AUTS2: variants seen among roughly 807,000 people sequenced by gnomAD.
AUTS2 encodes activator of transcription and developmental regulator AUTS2.
In AUTS2, 17 loss-of-function variants were observed where a neutral mutation model predicts 112.4. The ratio of observed to expected loss-of-function variants is 0.15; its 90% CI spans 0.10 to 0.23. The LOEUF is 0.23. AUTS2 is among the 10% of genes least tolerant of loss of function. AUTS2 has a pLI of 1.00. For missense variants in AUTS2, 1,510 were observed against 1,701.6 expected (o/e 0.89, Z 1.98); for synonymous variants, 751 against 702.7 (o/e 1.07, Z -1.09).
chr7:70,526,733 C>G (rs1419516408), intron 5 of AUTS2, among the ~76,000 whole-genome samples: 1 of 152,200 alleles, frequency 6.6e-6, no homozygotes, highest in Admixed American at 6.5e-5. Context: ...CCTCTGCCCC[C>G]TGGCCTGTGA....
chr7:70,172,482 G>C (rs1462461045), intron 4 of AUTS2, among the ~76,000 whole-genome samples: 3 of 152,088 alleles, frequency 2.0e-5, no homozygotes, highest in African/African-American at 4.8e-5. Flanking sequence ...TCTATGCAAT[G>C]GTTCTTTTTC....
intron 6 of AUTS2, among the ~76,000 whole-genome samples, chr7:70,731,736 C>G (rs1167838041): frequency 7.1e-6 from 1 of 141,442 alleles, no homozygotes; most frequent in Non-Finnish European, 1.5e-5. Flanking sequence ...GTCTCCTTTA[C>G]CCAGATCTAA....
intron 1 of AUTS2, among the ~76,000 whole-genome samples, chr7:69,797,125 A>G (rs926629566): frequency 3.3e-5 from 5 of 152,174 alleles, no homozygotes; most frequent in African/African-American, 4.8e-5. Flanking sequence ...ATTGGTCTCT[A>G]CCTGCACCTC....
At chr7:70,072,751 T>G (rs909668377) in intron 2 of AUTS2, among the ~76,000 whole-genome samples, 2 of 152,228 alleles carry the variant, frequency 1.3e-5, no homozygotes, top group African/African-American at 4.8e-5. Context: ...TATGAAGCAT[T>G]CTTTTTATTT....
chr7:70,095,419 A>G (rs1804141474), intron 2 of AUTS2, among the ~76,000 whole-genome samples: 1 of 152,168 alleles, frequency 6.6e-6, no homozygotes, highest in Non-Finnish European at 1.5e-5. Flanking sequence ...ATTCAGAATC[A>G]TGCTTCTGAC....
chr7:70,510,300 T>C (rs982294299), intron 5 of AUTS2, among the ~76,000 whole-genome samples: 2 of 152,246 alleles, frequency 1.3e-5, no homozygotes, highest in Non-Finnish European at 2.9e-5. Flanking sequence ...TTAAGCTCTC[T>C]TAAACTTTAT....
At chr7:70,439,175 C>G (rs909821163) in intron 5 of AUTS2, among the ~76,000 whole-genome samples, 1 of 152,188 alleles carries the variant, frequency 6.6e-6, no homozygotes, top group Non-Finnish European at 1.5e-5. Flanking sequence ...AAGTATCTCC[C>G]TTATCCTCCC....
At chr7:69,686,313 A>G (rs1797062508) in intron 1 of AUTS2, among the ~76,000 whole-genome samples, 1 of 152,208 alleles carries the variant, frequency 6.6e-6, no homozygotes, top group South Asian at 2.1e-4. Context: ...TTTCTACTGT[A>G]GGATTTTGGA....
At chr7:69,945,098 T>C (rs1452459205) in intron 2 of AUTS2, among the ~76,000 whole-genome samples, 1 of 152,022 alleles carries the variant, frequency 6.6e-6, no homozygotes, top group Non-Finnish European at 1.5e-5. Context: ...ATTTAAAAAA[T>C]AGATTTATTG....
chr7:69,931,897 G>A lies in AUTS2; in HGVS notation c.522+32399G>A, dbSNP rs187395450. Among the ~76,000 whole-genome samples, 263 of 152,248 alleles carry A rather than the reference G, an allele frequency of 1.7e-3. 3 individuals carry two copies. Among genetic ancestry groups the A allele is most frequent in the Admixed American group, 0.017 (256 of 15,304 alleles). On this transcript the variant is annotated intron_variant, in intron 2 of 18. Transcript: ENST00000342771. ...GACTTACCTTGATGAGGCAATCTTCGAATTGATGACTCTTTTTAATTAATT... is the reference window on the plus strand; with the variant it reads ...GACTTACCTTGATGAGGCAATCTTCAAATTGATGACTCTTTTTAATTAATT...
At chr7:69,826,581 G>A (rs763759) in intron 1 of AUTS2, among the ~76,000 whole-genome samples, 36,435 of 152,082 alleles carry the variant, frequency 0.24, 4,437 homozygotes, top group Middle Eastern at 0.34. Flanking sequence ...CTTGCCATTT[G>A]CCTCTGTAGA....
Position 69,821,835 on chromosome 7 carries a change from G to A in AUTS2, c.310-77451G>A, listed in dbSNP as rs1239496951. Among the ~76,000 whole-genome samples, 5 of 150,234 alleles carry A rather than the reference G, an allele frequency of 3.3e-5. No homozygotes were observed. The East Asian group carries it at 9.9e-4, about 30-fold the overall frequency. On this transcript the variant is annotated intron_variant, in intron 1 of 18. Transcript: ENST00000342771. ...AGAGGCTGAGGTGAGAGGATCGATTGAGCTCAGGAGGTTGAGGCTGCAGTG... is the reference window on the plus strand; with the variant it reads ...AGAGGCTGAGGTGAGAGGATCGATTAAGCTCAGGAGGTTGAGGCTGCAGTG...
intron 4 of AUTS2, among the ~76,000 whole-genome samples, chr7:70,390,439 G>A (rs897223249): frequency 2.0e-5 from 3 of 152,076 alleles, no homozygotes; most frequent in African/African-American, 7.2e-5. Flanking sequence ...TTAGTCCTGA[G>A]TCATCTACCA....
intron 1 of AUTS2, among the ~76,000 whole-genome samples, chr7:69,624,963 C>T (rs1010567425): frequency 3.1e-5 from 4 of 130,576 alleles, no homozygotes; most frequent in Admixed American, 8.4e-5. Context: ...GTCACTACCA[C>T]GCAGATTCTC....
chr7:70,661,629 T>G (rs1214065633), intron 5 of AUTS2, among the ~76,000 whole-genome samples: 4 of 152,228 alleles, frequency 2.6e-5, no homozygotes, highest in Non-Finnish European at 5.9e-5. Context: ...TTTCTGTACA[T>G]CGAATGCTGG....
intron 5 of AUTS2, among the ~76,000 whole-genome samples, chr7:70,504,783 A>C (rs1798900014): frequency 6.6e-6 from 1 of 152,144 alleles, no homozygotes; most frequent in Admixed American, 6.5e-5. Flanking sequence ...CACAGGTTTT[A>C]TTGTGAAATT....
chr7:70,535,252 C>G (rs1260181928), intron 5 of AUTS2, among the ~76,000 whole-genome samples: 3 of 152,020 alleles, frequency 2.0e-5, no homozygotes, highest in African/African-American at 4.8e-5. Flanking sequence ...GCACTGAGAG[C>G]CTGGCACAGA....
chr7:70,735,681 A>G lies in AUTS2; in HGVS notation c.743-27189A>G, dbSNP rs189030791. Reference sequence around the variant, plus strand: ...CTGTGGTGCTTTAATGTTTCCTGAAATCCTCCATTTGGAGGATAGAGTGCC... The same window carrying G: ...CTGTGGTGCTTTAATGTTTCCTGAAGTCCTCCATTTGGAGGATAGAGTGCC... On this transcript the variant is annotated intron_variant, in intron 6 of 18. Coordinates refer to ENST00000342771, the MANE Select transcript of AUTS2 (RefSeq NM_015570.4). 6.1e-4 allele frequency among the ~76,000 whole-genome samples: 93 copies of G among 152,228 alleles called. 1 individual carries two copies. Among genetic ancestry groups the G allele is most frequent in the Admixed American group, 3.6e-3 (55 of 15,290 alleles).
chr7:70,153,737 C>T (rs983163351), intron 4 of AUTS2, among the ~76,000 whole-genome samples: 1 of 152,202 alleles, frequency 6.6e-6, no homozygotes, highest in Non-Finnish European at 1.5e-5. Context: ...GACAGCTACA[C>T]ACAAAACTTA....
Sources: allele counts gnomAD v4.1 joint callset (sites outside exome capture counted in the v4.1 genomes callset), GRCh38; gene constraint gnomAD v4.1.1; transcripts MANE v1.5; gene names NCBI Gene and HGNC (gene_info 2026-07-23, HGNC 2026-07-21).